The following CENPP variants were observed in gnomAD, a reference collection of about 807,000 sequenced individuals.
CENPP encodes the protein centromere protein P.
A neutral mutation model predicts 35.6 loss-of-function variants in CENPP; 24 were observed. The observed-to-expected ratio is 0.67, with a 90% CI of 0.49 to 0.95. The LOEUF is 0.95. CENPP is among the 40% of genes least tolerant of loss of function. CENPP has a pLI of 0.00. For missense variants in CENPP, 332 were observed against 345.3 expected (o/e 0.96, Z 0.31); for synonymous variants, 120 against 125.5 (o/e 0.96, Z 0.29).
intron 5 of CENPP, among the ~76,000 whole-genome samples, chr9:92,463,991 C>A (rs554123422): frequency 6.6e-6 from 1 of 152,248 alleles, no homozygotes; most frequent in Admixed American, 6.5e-5. Flanking sequence ...TATTGATCTT[C>A]TGGATCAGGT....
At chr9:92,374,110 A>G (rs1842070208) in intron 4 of CENPP, among the ~76,000 whole-genome samples, 1 of 137,402 alleles carries the variant, frequency 7.3e-6, no homozygotes, top group African/African-American at 2.6e-5. Context: ...TTCCTGTTCC[A>G]GCAGTGACCA....
chr9:92,500,487 GA>G, intron 5 of CENPP, among the ~76,000 whole-genome samples: 1 of 152,188 alleles, frequency 6.6e-6, no homozygotes. Context: ...CTGACCAAAA[GA>G]TGTTTTAACT....
intron 5 of CENPP, among the ~76,000 whole-genome samples, chr9:92,578,775 C>G (rs1476358962): frequency 6.6e-6 from 1 of 151,578 alleles, no homozygotes; most frequent in Non-Finnish European, 1.5e-5. Context: ...ATGGTAGTTT[C>G]TTTTGCTGTG....
intron 5 of CENPP, chr9:92,385,541 T>C: frequency 8.1e-7 from 1 of 1,227,282 alleles, no homozygotes; most frequent in Non-Finnish European, 1.2e-6. Context: ...ATTAAACCAA[T>C]ACTTAAGTTC....
intron 5 of CENPP, among the ~76,000 whole-genome samples, chr9:92,394,867 A>G (rs911805749): frequency 2.0e-5 from 3 of 152,128 alleles, no homozygotes; most frequent in Non-Finnish European, 2.9e-5. Flanking sequence ...TCAGCCTCCC[A>G]AAGTGCTAGG....
intron 5 of CENPP, chr9:92,517,252 G>A (rs372014573): frequency 4.9e-6 from 1 of 205,342 alleles, no homozygotes; most frequent in African/African-American, 2.4e-5. Context: ...GAGGGTTGGG[G>A]CTTTGTTCTC....
rs1378165094 is a variant in CENPP, at chr9:92,619,912, C to T, written c.*6763C>T. On this transcript the variant is annotated 3_prime_UTR_variant, in exon 8 of 8. Coordinates refer to ENST00000375587, the MANE Select transcript of CENPP (RefSeq NM_001012267.3). ...GAAAAGCAGTAAGCCACCTGAGCCC[C>T]GCATGTTGGCCACACTCAGAGTATC... The T allele has an allele frequency of 1.6e-5, 5 of 313,774 alleles. No homozygotes were observed. Among genetic ancestry groups the T allele is most frequent in the African/African-American group, 6.3e-5 (3 of 47,956 alleles). The allele number at this position is 313,774 out of a possible 1,614,324, so 19.4% of individuals were successfully genotyped here.
At chr9:92,365,534 C>T (rs1841866674) in intron 4 of CENPP, among the ~76,000 whole-genome samples, 1 of 150,954 alleles carries the variant, frequency 6.6e-6, no homozygotes, top group Admixed American at 6.6e-5. Flanking sequence ...CCTCAGCCTC[C>T]TGAGCAGCTG....
chr9:92,375,588 G>A (rs747120424), intron 4 of CENPP, among the ~76,000 whole-genome samples: 2 of 151,988 alleles, frequency 1.3e-5, no homozygotes, highest in African/African-American at 2.4e-5. Context: ...GAGCCACCGC[G>A]CCCGGCCATT....
chr9:92,474,794 T>C (rs1275911528), intron 5 of CENPP: 1 of 1,609,562 alleles, frequency 6.2e-7, no homozygotes, highest in African/African-American at 1.3e-5. Context: ...ATCTGTGTCT[T>C]CCATATCCTT....
chr9:92,494,433 C>G (rs117725755), intron 5 of CENPP, among the ~76,000 whole-genome samples: 4,253 of 152,240 alleles, frequency 0.028, 92 homozygotes, highest in Non-Finnish European at 0.044. Flanking sequence ...AGTAATGCAC[C>G]TTCATTCCTA....
chr9:92,558,497 A>G (rs574217586), intron 5 of CENPP, among the ~76,000 whole-genome samples: 2 of 152,254 alleles, frequency 1.3e-5, no homozygotes, highest in African/African-American at 4.8e-5. Flanking sequence ...TGAACCATCT[A>G]TGGGTCTCTC....
In CENPP at chr9:92,326,013, G is replaced by A; in HGVS notation, c.15G>A (p.Leu5=). The change falls in exon 1 of 8, where the codon CTG becomes CTA. Residue 5 remains leucine, a synonymous_variant. Coordinates refer to ENST00000375587, the MANE Select transcript of CENPP (RefSeq NM_001012267.3). ...AGCAACGCGCCATGGACGCAGAGCT[G>A]GCAGAGGTGCGCGCCTTGCAAGCTG... MDAE[L]AEVRALQAEI... The A allele has an allele frequency of 6.4e-7, 1 of 1,553,336 alleles. No homozygotes were observed. Among genetic ancestry groups the A allele is most frequent in the Non-Finnish European group, 8.7e-7 (1 of 1,148,820 alleles).
intron 5 of CENPP, chr9:92,474,683 A>G: frequency 6.2e-7 from 1 of 1,614,092 alleles, no homozygotes; most frequent in Non-Finnish European, 8.5e-7. Flanking sequence ...ACACATTGGA[A>G]ACAGATCAAA....
chr9:92,408,081 T>C (rs1019791935), intron 5 of CENPP, among the ~76,000 whole-genome samples: 1 of 152,234 alleles, frequency 6.6e-6, no homozygotes, highest in Admixed American at 6.5e-5. Context: ...TAGCTTTCAA[T>C]GAATGCTACA....
At chr9:92,388,923 C>T (rs1588084196) in intron 5 of CENPP, among the ~76,000 whole-genome samples, 1 of 151,554 alleles carries the variant, frequency 6.6e-6, no homozygotes, top group Admixed American at 6.6e-5. Flanking sequence ...ATCAGATGAG[C>T]TCTGATGTAA....
At chr9:92,406,320 G>T (rs1469438635) in intron 5 of CENPP, among the ~76,000 whole-genome samples, 1 of 152,178 alleles carries the variant, frequency 6.6e-6, no homozygotes, top group East Asian at 1.9e-4. Context: ...TTGGATTAAA[G>T]AAAGTATTTT....
intron 5 of CENPP, among the ~76,000 whole-genome samples, chr9:92,461,469 C>G (rs1845107431): frequency 6.6e-6 from 1 of 152,204 alleles, no homozygotes; most frequent in African/African-American, 2.4e-5. Context: ...AACATACTCC[C>G]TCCTTTTTTC....
At chr9:92,451,468 G>T (rs1844707097) in intron 5 of CENPP, among the ~76,000 whole-genome samples, 1 of 149,772 alleles carries the variant, frequency 6.7e-6, no homozygotes, top group African/African-American at 2.4e-5. Context: ...CTCTGTTTTG[G>T]TACCAGTACC....
Sources: allele counts gnomAD v4.1 joint callset (sites outside exome capture counted in the v4.1 genomes callset), GRCh38; gene constraint gnomAD v4.1.1; transcripts MANE v1.5; gene names NCBI Gene and HGNC (gene_info 2026-07-23, HGNC 2026-07-21).